STK39: variants seen among roughly 807,000 people sequenced by gnomAD.
STK39 encodes the protein STE20/SPS1-related proline-alanine-rich protein kinase.
Under a neutral mutation model 77.8 loss-of-function variants are expected in STK39, and 20 were observed. The observed-to-expected ratio is 0.26, with a 90% CI of 0.18 to 0.37. STK39 has a LOEUF of 0.37. Among genes scored for constraint, STK39 ranks in the 10% least tolerant of loss-of-function variants. The probability of loss-of-function intolerance (pLI) is 1.00; values close to 1 mark genes in which losing one functional copy is unlikely to be tolerated. For missense variants in STK39, 479 were observed against 656.5 expected (o/e 0.73, Z 2.95); for synonymous variants, 246 against 234.1 (o/e 1.05, Z -0.47).
At chr2:167,996,314 T>C (rs1683837207) in intron 16 of STK39, among the ~76,000 whole-genome samples, 1 of 152,356 alleles carries the variant, frequency 6.6e-6, no homozygotes, top group East Asian at 1.9e-4. Context: ...TAATTTGCCT[T>C]TATCAAGATT....
At chr2:167,984,222 T>C (rs920756787) in intron 16 of STK39, among the ~76,000 whole-genome samples, 1 of 152,232 alleles carries the variant, frequency 6.6e-6, no homozygotes, top group African/African-American at 2.4e-5. Context: ...AATCTTGCCT[T>C]GCATCTCATA....
chr2:168,161,535 A>T (rs1334837428), intron 5 of STK39, among the ~76,000 whole-genome samples: 2 of 152,258 alleles, frequency 1.3e-5, no homozygotes, highest in East Asian at 3.8e-4. Context: ...GGTAGAAAAC[A>T]TAATAAAATT....
chr2:168,059,301 G>A (rs1164836739), intron 14 of STK39, among the ~76,000 whole-genome samples: 1 of 152,148 alleles, frequency 6.6e-6, no homozygotes, highest in Non-Finnish European at 1.5e-5. Flanking sequence ...TGTCACTCCT[G>A]CGATTAAGTT....
intron 1 of STK39, among the ~76,000 whole-genome samples, chr2:168,216,847 C>A (rs1690037878): frequency 6.6e-6 from 1 of 152,212 alleles, no homozygotes; most frequent in African/African-American, 2.4e-5. Context: ...AGGCACTCCC[C>A]AGCTTGGTGA....
chr2:168,112,123 A>G (rs1301396917), intron 10 of STK39, among the ~76,000 whole-genome samples: 2 of 152,002 alleles, frequency 1.3e-5, no homozygotes, highest in Non-Finnish European at 2.9e-5. Context: ...TTAAAGAAAA[A>G]AAAAAAAACA....
In STK39 at chr2:168,138,234, C is replaced by T; in HGVS notation, c.841-13G>A. 6.2e-7 allele frequency: 1 copy of T among 1,607,836 alleles called. No homozygotes were observed. Among genetic ancestry groups the T allele is most frequent in the South Asian group, 1.1e-5 (1 of 90,312 alleles). ...TCAACATTAACACCTGCAGCAGAAA[C>T]AAACATGAAGACAGAATCTCAGTAT... On this transcript the variant is annotated splice_polypyrimidine_tract_variant and intron_variant, in intron 7 of 17. Transcript: ENST00000355999.
At chr2:168,085,678 G>A (rs935486002) in intron 10 of STK39, among the ~76,000 whole-genome samples, 2 of 152,186 alleles carry the variant, frequency 1.3e-5, no homozygotes, top group Admixed American at 6.5e-5. Context: ...TGGCCAGAGC[G>A]TAGATAGATA....
At chr2:168,196,326 T>C (rs1689468119) in intron 1 of STK39, among the ~76,000 whole-genome samples, 1 of 152,186 alleles carries the variant, frequency 6.6e-6, no homozygotes, top group South Asian at 2.1e-4. Context: ...GTATCTGCCT[T>C]CCTAGAGTTT....
Position 168,181,997 on chromosome 2 carries a change from G to A in STK39, c.302C>T (p.Thr101Ile). The change falls in exon 2 of 18, where the codon ACC (threonine) becomes ATC (isoleucine). Residue 101 changes from threonine (T) to isoleucine (I), a missense_variant. Coordinates refer to ENST00000355999, the MANE Select transcript of STK39 (RefSeq NM_013233.3). ...IKRINLEKCQ[T>I]SMDELLKEIQ... ...ACTTACTAATAGTTCATCCATACTG[G>A]TCTGGCATTTTTCCAAGTTGATCCG... The A allele has an allele frequency of 2.5e-6, 4 of 1,613,862 alleles. No individual in the cohort carries two copies. Among genetic ancestry groups the A allele is most frequent in the Non-Finnish European group, 3.4e-6 (4 of 1,179,856 alleles).
intron 2 of STK39, among the ~76,000 whole-genome samples, chr2:168,179,200 T>C (rs560788386): frequency 1.3e-5 from 2 of 152,262 alleles, no homozygotes; most frequent in South Asian, 2.1e-4. Context: ...TACACACTCA[T>C]GGAATTAAAG....
intron 2 of STK39, among the ~76,000 whole-genome samples, chr2:168,172,360 G>A (rs190253663): frequency 3.0e-4 from 45 of 152,288 alleles, no homozygotes; most frequent in African/African-American, 1.0e-3. Context: ...GGAGTTTGCT[G>A]TAATGCATGG....
At chr2:168,175,006 G>A (rs1225927500) in intron 2 of STK39, among the ~76,000 whole-genome samples, 1 of 152,000 alleles carries the variant, frequency 6.6e-6, no homozygotes, top group African/African-American at 2.4e-5. Context: ...TTCTTTTTGT[G>A]GTATCGCCTG....
At chr2:167,973,135 GT>G (rs1226518948) in intron 16 of STK39, among the ~76,000 whole-genome samples, 1 of 152,146 alleles carries the variant, frequency 6.6e-6, no homozygotes, top group Admixed American at 6.5e-5. Flanking sequence ...AGAAAAATAA[GT>G]GCTTAAATAT....
chr2:168,213,467 TA>T (rs954708340), intron 1 of STK39, among the ~76,000 whole-genome samples: 35 of 150,810 alleles, frequency 2.3e-4, no homozygotes, highest in African/African-American at 5.6e-4. Context: ...TTTTTCCTAT[TA>T]AAAAAAAATA....
chr2:168,155,342 G>A (rs1688398883), intron 5 of STK39, among the ~76,000 whole-genome samples: 1 of 152,162 alleles, frequency 6.6e-6, no homozygotes, highest in Non-Finnish European at 1.5e-5. Flanking sequence ...CCAGAACTGA[G>A]TACATTCTTG....
intron 2 of STK39, among the ~76,000 whole-genome samples, chr2:168,169,817 A>T (rs1688779305): frequency 1.3e-5 from 2 of 152,250 alleles, no homozygotes; most frequent in Non-Finnish European, 1.5e-5. Context: ...ACACCAACAC[A>T]ACCACAGGAG....
intron 1 of STK39, among the ~76,000 whole-genome samples, chr2:168,241,624 A>T (rs1027580290): frequency 2.6e-5 from 4 of 152,204 alleles, no homozygotes; most frequent in Non-Finnish European, 2.9e-5. Flanking sequence ...GGGAATAGGG[A>T]ACAACCTCTC....
intron 10 of STK39, among the ~76,000 whole-genome samples, chr2:168,084,415 G>A (rs967666558): frequency 6.6e-6 from 1 of 152,210 alleles, no homozygotes; most frequent in African/African-American, 2.4e-5. Context: ...CCCGAGTCAG[G>A]ACAAGCCCTT....
intron 8 of STK39, among the ~76,000 whole-genome samples, 190 bp from the exon 9 acceptor site, chr2:168,129,948 T>C (rs1416899173): frequency 2.0e-5 from 3 of 152,160 alleles, no homozygotes; most frequent in Non-Finnish European, 4.4e-5. Context: ...TCCAAATACC[T>C]CTACTGCAAA....
Sources: allele counts gnomAD v4.1 joint callset (sites outside exome capture counted in the v4.1 genomes callset), GRCh38; gene constraint gnomAD v4.1.1; transcripts MANE v1.5; gene names NCBI Gene and HGNC (gene_info 2026-07-23, HGNC 2026-07-21).